VWA3A: variants seen among roughly 807,000 people sequenced by gnomAD.
VWA3A encodes von Willebrand factor A domain containing 3A, also known as von Willebrand factor A domain-containing protein 3A.
A neutral mutation model predicts 160.4 loss-of-function variants in VWA3A; 134 were observed. That is an observed-to-expected ratio of 0.84 (90% CI 0.73 to 0.96). The LOEUF is 0.96. Ranked by LOEUF, VWA3A falls within the 40% of genes least tolerant of loss-of-function variation. VWA3A has a pLI of 0.00. For synonymous variants in VWA3A, 476 were observed against 543.4 expected (o/e 0.88, Z 1.72); for missense variants, 1,310 against 1,447.9 (o/e 0.90, Z 1.55).
chr16:22,103,454 G>A (rs1329420871), intron 5 of VWA3A, 21 bp from the exon 6 acceptor site: 1 of 1,551,026 alleles, frequency 6.4e-7, no homozygotes, highest in Non-Finnish European at 8.7e-7. Context: ...TGGGTGATGA[G>A]TCTTTCTGAT....
At chr16:22,147,575 A>C in intron 27 of VWA3A, 1 of 703,176 alleles carries the variant, frequency 1.4e-6, no homozygotes, top group Non-Finnish European at 2.6e-6. Context: ...CATTAGGTCC[A>C]GTCCTCTGCA....
intron 24 of VWA3A, among the ~76,000 whole-genome samples, chr16:22,142,288 A>C (rs962861721): frequency 3.3e-5 from 5 of 152,064 alleles, no homozygotes; most frequent in African/African-American, 1.2e-4. Context: ...TTATGAAGAA[A>C]ATAGGTTTTT....
chr16:22,131,441 T>G, intron 18 of VWA3A, 144 bp from the exon 19 acceptor site: 1 of 1,445,860 alleles, frequency 6.9e-7, no homozygotes. Context: ...TCTGCTGCTC[T>G]CCCCACCTGG....
chr16:22,153,011 T>C (rs2046376432), intron 31 of VWA3A, among the ~76,000 whole-genome samples: 1 of 152,146 alleles, frequency 6.6e-6, no homozygotes, highest in African/African-American at 2.4e-5. Context: ...TTTAATATTA[T>C]ACCCATTTAA....
intron 5 of VWA3A, among the ~76,000 whole-genome samples, chr16:22,102,659 T>C (rs1392284814): frequency 6.6e-6 from 1 of 152,236 alleles, no homozygotes. Context: ...CTAGGTTTTT[T>C]GTTAATCAAT....
chr16:22,128,073 A>C (rs2045882877), intron 17 of VWA3A, among the ~76,000 whole-genome samples: 1 of 152,138 alleles, frequency 6.6e-6, no homozygotes, highest in Non-Finnish European at 1.5e-5. Context: ...CGTATGCTAG[A>C]ACCTTAGGGA....
chr16:22,122,119 T>TGATGGATGGATGGATGGATG (rs113111289), intron 14 of VWA3A, among the ~76,000 whole-genome samples: 9 of 146,012 alleles, frequency 6.2e-5, no homozygotes, highest in African/African-American at 2.3e-4. Flanking sequence ...AGGAAAAGAA[T>TGATGGATGGATGGATGGATG]GATGGATGGA....
At position 22,147,153 on chromosome 16, in the gene VWA3A, C is replaced by T. The variant is rs559100528; in HGVS notation, c.2839+809C>T. 2.1e-4 allele frequency among the ~76,000 whole-genome samples: 32 copies of T among 152,212 alleles called. 1 individual carries two copies. In the South Asian group the frequency reaches 6.6e-3, roughly 32 times the overall value. On this transcript the variant is annotated intron_variant, in intron 27 of 33. Coordinates refer to ENST00000389398, the MANE Select transcript of VWA3A (RefSeq NM_173615.5). ...TCCTCCCACCTCAACCTTGCAAGGA[C>T]CTGAGACTACAGGCACGTGCCACCA...
chr16:22,142,880 G>A, intron 25 of VWA3A, 115 bp downstream of exon 25: 1 of 783,130 alleles, frequency 1.3e-6, no homozygotes, highest in Non-Finnish European at 2.1e-6. Context: ...GCCAGGCACA[G>A]TGACTCACAC....
At chr16:22,148,399 T>G in intron 28 of VWA3A, 93 bp downstream of exon 28, 1 of 1,455,590 alleles carries the variant, frequency 6.9e-7, no homozygotes, top group South Asian at 1.4e-5. Flanking sequence ...CCAACAGGCC[T>G]GGAGTTTCTG....
chr16:22,104,181 C>T (rs1389510349), intron 6 of VWA3A, among the ~76,000 whole-genome samples: 1 of 152,132 alleles, frequency 6.6e-6, no homozygotes, highest in Non-Finnish European at 1.5e-5. Flanking sequence ...ATCTGGATAT[C>T]ACTTTTCTTA....
At position 22,115,909 on chromosome 16, in the gene VWA3A, GGAA is replaced by G. The variant is rs2045628855; in HGVS notation, c.815+439_815+441del. ...AGGAAGGAAGGAAGGAAGGAAGGAA[GGAA>G]GGAAGGAAGGAAAGGAAAGGAAAGG... is the stretch of plus-strand genomic sequence containing the variant. On this transcript the variant is annotated intron_variant, in intron 9 of 33. Transcript: ENST00000389398. Among the ~76,000 whole-genome samples, 6 of 35,414 alleles carry G rather than the reference GGAA, an allele frequency of 1.7e-4. 1 individual carries two copies. 23.2% of individuals were successfully genotyped at this position (35,414 alleles called of 152,430 possible). A position where few individuals can be genotyped will look rare whatever the true frequency, so the allele number is the denominator to read the frequency against.
chr16:22,152,038 G>A (rs1332194147), intron 30 of VWA3A, among the ~76,000 whole-genome samples: 2 of 152,122 alleles, frequency 1.3e-5, no homozygotes, highest in African/African-American at 2.4e-5. Flanking sequence ...GCGAAACCCC[G>A]TCTCAACTAA....
Position 22,133,042 on chromosome 16 carries a change from A to C in VWA3A, c.2015A>C (p.Tyr672Ser). 1 of 1,613,898 alleles carries C rather than the reference A, an allele frequency of 6.2e-7. No individual in the cohort carries two copies. The highest frequency in any genetic ancestry group is 1.3e-5 in the African/African-American group (1 of 75,042). The change falls in exon 20 of 34, where the codon TAC becomes TCC. Residue 672 changes from tyrosine (Y) to serine (S), a missense_variant. Physicochemically the swap from Tyr to Ser is moderately radical, Grantham distance 144 (BLOSUM62 -2). Coordinates refer to ENST00000389398, the MANE Select transcript of VWA3A (RefSeq NM_173615.5). Reference protein sequence around the residue: ...YASHTDTAAAYKEVTRAAGGR... With the variant: ...YASHTDTAAASKEVTRAAGGR... Reference sequence around the variant, plus strand: ...AGTCACACTGACACAGCCGCCGCCTACAAGGAGGTCACCCGGGCTGCAGGT... The same window carrying C: ...AGTCACACTGACACAGCCGCCGCCTCCAAGGAGGTCACCCGGGCTGCAGGT...
intron 5 of VWA3A, among the ~76,000 whole-genome samples, chr16:22,102,677 A>G (rs534186458): frequency 4.6e-5 from 7 of 152,328 alleles, no homozygotes; most frequent in Admixed American, 3.3e-4. Flanking sequence ...AATCCAGTAG[A>G]AACGATTGCT....
In VWA3A at chr16:22,141,625, G is replaced by A. The variant is rs1244933071; in HGVS notation, c.2427G>A (p.Arg809=). 1.2e-6 allele frequency: 2 copies of A among 1,612,744 alleles called. No homozygotes were observed. The highest frequency in any genetic ancestry group is 1.7e-5 in the Admixed American group (1 of 59,814). ...AAGAAGGGATGATGGAACTGAGGAG[G>A]AAGACCAAGTCAAGGGAAGCAGAGA... ...PTKEGMMELR[R]KTKSREAETS... The change falls in exon 24 of 34, where the codon AGG becomes AGA. Residue 809 remains arginine, a synonymous_variant. Coordinates refer to ENST00000389398, the MANE Select transcript of VWA3A (RefSeq NM_173615.5).
chr16:22,103,616 C>G, intron 6 of VWA3A, 87 bp downstream of exon 6: 1 of 1,454,464 alleles, frequency 6.9e-7, no homozygotes, highest in East Asian at 2.5e-5. Context: ...ATGTAGACCT[C>G]CAATATAAAT....
intron 23 of VWA3A, 53 bp from the exon 24 acceptor site, chr16:22,141,529 G>T: frequency 6.6e-7 from 1 of 1,510,860 alleles, no homozygotes; most frequent in Non-Finnish European, 9.0e-7. Context: ...CTGGACAGCT[G>T]TATTGCAAGA....
chr16:22,116,270 AAGAAAAG>A (rs1269566536), intron 9 of VWA3A: 3 of 413,562 alleles, frequency 7.3e-6, no homozygotes, highest in African/African-American at 6.8e-5. Context: ...GAGAAAGAAA[AAGAAAAG>A]AAGAAGGAAG....
Sources: allele counts gnomAD v4.1 joint callset (sites outside exome capture counted in the v4.1 genomes callset), GRCh38; gene constraint gnomAD v4.1.1; transcripts MANE v1.5; gene names NCBI Gene and HGNC (gene_info 2026-07-23, HGNC 2026-07-21).